CEP70: variants seen among roughly 807,000 people sequenced by gnomAD.
CEP70 encodes the protein centrosomal protein 70.
In CEP70, 70 loss-of-function variants were observed where a neutral mutation model predicts 90.9. That is an observed-to-expected ratio of 0.77 (90% CI 0.64 to 0.94). CEP70 has a LOEUF of 0.94. Ranked by LOEUF, CEP70 falls within the 40% of genes least tolerant of loss-of-function variation. CEP70 has a pLI of 0.00. For synonymous variants in CEP70, 220 were observed against 228.3 expected (o/e 0.96, Z 0.33); for missense variants, 648 against 669.0 (o/e 0.97, Z 0.35).
chr3:138,569,182 T>A (rs989865113), intron 6 of CEP70, among the ~76,000 whole-genome samples: 2 of 152,108 alleles, frequency 1.3e-5, no homozygotes, highest in East Asian at 1.9e-4. Flanking sequence ...TAGAGCCCCC[T>A]AGTATCTCTG....
chr3:138,500,280 TCAAA>T lies in CEP70; in HGVS notation c.1538-60_1538-57del, dbSNP rs1403217251. On this transcript the variant is annotated intron_variant, in intron 15 of 17. Coordinates refer to ENST00000264982, the MANE Select transcript of CEP70 (RefSeq NM_024491.4). ...CAGAGAATTTCCAAAATTACATACA[TCAAA>T]CATTTTATGCTTCAGTTATCCTCAA... 7.9e-6 allele frequency: 12 copies of T among 1,518,682 alleles called. No homozygotes were observed. In the African/African-American group the frequency reaches 1.7e-4, roughly 21 times the overall value. 94.1% of individuals were successfully genotyped at this position (1,518,682 alleles called of 1,614,324 possible).
intron 2 of CEP70, among the ~76,000 whole-genome samples, chr3:138,585,563 A>G (rs1210426361): frequency 6.6e-6 from 1 of 152,184 alleles, no homozygotes; most frequent in Non-Finnish European, 1.5e-5. Context: ...TTAAAGCACA[A>G]AAGACCCAGA....
Position 138,495,035 on chromosome 3 carries a change from A to G in CEP70, c.1774T>C (p.Leu592=). The G allele has an allele frequency of 6.5e-7, 1 of 1,535,698 alleles. No individual in the cohort carries two copies. Among genetic ancestry groups the G allele is most frequent in the East Asian group, 2.2e-5 (1 of 44,534 alleles). The part of the protein sequence containing the change: ...LDAIVPAVKK[L]KVLSY ...TGTTTTCAGTATGAAAGTACTTTTAATTTCTTTACTGCAGGTACAATGGCA... is the reference window on the plus strand; with the variant it reads ...TGTTTTCAGTATGAAAGTACTTTTAGTTTCTTTACTGCAGGTACAATGGCA... The change falls in exon 18 of 18, where the codon TTA becomes CTA. Residue 592 remains leucine, a synonymous_variant. Transcript: ENST00000264982.
chr3:138,534,220 C>A (rs2038077005), intron 7 of CEP70, among the ~76,000 whole-genome samples: 1 of 152,156 alleles, frequency 6.6e-6, no homozygotes, highest in South Asian at 2.1e-4. Context: ...ATATTACCAA[C>A]CCATCCCCCT....
chr3:138,547,847 T>A (rs1201342953), intron 6 of CEP70, among the ~76,000 whole-genome samples: 1 of 152,234 alleles, frequency 6.6e-6, no homozygotes, highest in Admixed American at 6.5e-5. Context: ...TTCATCATGC[T>A]ACTCAGAATA....
Position 138,537,248 on chromosome 3 carries a change from G to T in CEP70, c.565C>A (p.Arg189Ser). The change falls in exon 7 of 18, where the codon CGC (arginine) becomes AGC (serine). Residue 189 changes from arginine to serine, a missense_variant. By Grantham distance (110) the Arg-to-Ser change is moderately radical (BLOSUM62 -1). Coordinates refer to ENST00000264982, the MANE Select transcript of CEP70 (RefSeq NM_024491.4). Reference sequence around the variant, plus strand: ...AACACTCTGTTTTGAGTGACAATGCGATCTTCTTCCTCCTTTTTTAATCTA... The same window carrying T: ...AACACTCTGTTTTGAGTGACAATGCTATCTTCTTCCTCCTTTTTTAATCTA... ...VCRLKKEEED[R>S]IVTQNRVFAY... 2 of 1,607,192 alleles carry T rather than the reference G, an allele frequency of 1.2e-6. No individual in the cohort carries two copies. The highest frequency in any genetic ancestry group is 1.7e-6 in the Non-Finnish European group (2 of 1,177,048).
intron 17 of CEP70, 150 bp from the exon 18 acceptor site, chr3:138,495,226 G>C: frequency 1.8e-6 from 1 of 570,688 alleles, no homozygotes; most frequent in East Asian, 2.9e-5. Flanking sequence ...CTCCGATAGT[G>C]ATGATAGATT....
At chr3:138,578,120 G>A (rs927717612) in intron 2 of CEP70, among the ~76,000 whole-genome samples, 2 of 152,244 alleles carry the variant, frequency 1.3e-5, no homozygotes, top group African/African-American at 2.4e-5. Flanking sequence ...ATAAAATGGT[G>A]TAGTACCGTT....
chr3:138,579,810 A>G (rs887671581), intron 2 of CEP70, among the ~76,000 whole-genome samples: 2 of 151,860 alleles, frequency 1.3e-5, no homozygotes, highest in East Asian at 3.9e-4. Flanking sequence ...GGCTATGAGG[A>G]CAGACCCCTT....
chr3:138,534,805 G>A (rs550545757), intron 7 of CEP70, among the ~76,000 whole-genome samples: 37 of 152,180 alleles, frequency 2.4e-4, no homozygotes, highest in Non-Finnish European at 4.0e-4. Flanking sequence ...TGAATTCATC[G>A]GTTTCTTCCC....
chr3:138,569,758 C>T lies in CEP70; in HGVS notation c.465+560G>A, dbSNP rs181223571. ...TGGCATGCGCCTGTAGTCCCAGCTACTCCAGAGGCTGAGGTGGAAGGATCA... is the reference window on the plus strand; with the variant it reads ...TGGCATGCGCCTGTAGTCCCAGCTATTCCAGAGGCTGAGGTGGAAGGATCA... On this transcript the variant is annotated intron_variant, in intron 6 of 17. Transcript: ENST00000264982. Among the ~76,000 whole-genome samples the T allele has an allele frequency of 2.0e-3, 301 of 152,284 alleles. 3 individuals are homozygous for T. The highest frequency in any genetic ancestry group is 7.0e-3 in the African/African-American group (290 of 41,562).
intron 6 of CEP70, among the ~76,000 whole-genome samples, chr3:138,544,763 TG>T (rs1447823994): frequency 6.6e-6 from 1 of 152,090 alleles, no homozygotes; most frequent in Non-Finnish European, 1.5e-5. Flanking sequence ...TGCAGCTACA[TG>T]GATGAAAATG....
chr3:138,511,337 T>C (rs74837015), intron 11 of CEP70, among the ~76,000 whole-genome samples: 7,323 of 152,342 alleles, frequency 0.048, 569 homozygotes, highest in African/African-American at 0.17. Context: ...TCCTATTTAC[T>C]ACATTCACAT....
chr3:138,519,125 T>G (rs2036349799), intron 11 of CEP70, among the ~76,000 whole-genome samples: 1 of 151,694 alleles, frequency 6.6e-6, no homozygotes, highest in South Asian at 2.1e-4. Context: ...GAAGAGAAGT[T>G]TAGAGAAAAA....
chr3:138,565,040 C>T (rs1305304492), intron 6 of CEP70, among the ~76,000 whole-genome samples: 3 of 152,088 alleles, frequency 2.0e-5, no homozygotes, highest in African/African-American at 7.2e-5. Context: ...ACAAGCATTC[C>T]TATACACCAA....
intron 6 of CEP70, among the ~76,000 whole-genome samples, chr3:138,543,261 G>A (rs2038907897): frequency 6.6e-6 from 1 of 152,112 alleles, no homozygotes; most frequent in African/African-American, 2.4e-5. Flanking sequence ...ACACTCACAG[G>A]CCCATGCCAA....
intron 6 of CEP70, among the ~76,000 whole-genome samples, chr3:138,563,633 T>C (rs2040571367): frequency 6.6e-6 from 1 of 152,174 alleles, no homozygotes; most frequent in African/African-American, 2.4e-5. Flanking sequence ...GAAATAAAGA[T>C]GTTCTTTGAA....
chr3:138,503,949 G>A (rs1204844410), intron 13 of CEP70, among the ~76,000 whole-genome samples: 2 of 152,068 alleles, frequency 1.3e-5, no homozygotes, highest in Non-Finnish European at 2.9e-5. Flanking sequence ...TCTGAATCTT[G>A]TGTTCATCCC....
chr3:138,578,046 A>G lies in CEP70; in HGVS notation c.-5-5114T>C, dbSNP rs191132932. On this transcript the variant is annotated intron_variant, in intron 2 of 17. Coordinates refer to ENST00000264982, the MANE Select transcript of CEP70 (RefSeq NM_024491.4). Reference sequence around the variant, plus strand: ...AAAAGCAATAGCAGGTCTTCCCTATACATGGGGATTGGTTTCAGAACCACC... The same window carrying G: ...AAAAGCAATAGCAGGTCTTCCCTATGCATGGGGATTGGTTTCAGAACCACC... Among the ~76,000 whole-genome samples, 431 of 152,344 alleles carry G rather than the reference A, an allele frequency of 2.8e-3. 1 individual carries two copies. The highest frequency in any genetic ancestry group is 0.014 in the Middle Eastern group (4 of 294).
Sources: gnomAD v4.1 joint callset for allele counts (sites outside exome capture counted in the v4.1 genomes callset) on GRCh38, gnomAD v4.1.1 for gene constraint, MANE v1.5 for transcripts, NCBI Gene and HGNC (gene_info 2026-07-23, HGNC 2026-07-21) for gene names.